FAAH2: variants seen among roughly 807,000 people sequenced by gnomAD.
FAAH2 encodes the protein fatty-acid amide hydrolase 2.
In FAAH2, 60 loss-of-function variants were observed where a neutral mutation model predicts 36.9. The ratio of observed to expected loss-of-function variants is 1.63; its 90% CI spans 1.32 to 2.02. FAAH2 has a LOEUF of 2.02. Among genes scored for constraint, FAAH2 ranks in the 30% most tolerant of loss-of-function variants. The pLI is 0.00. For missense variants in FAAH2, 689 were observed against 397.5 expected (o/e 1.73, Z -6.23); for synonymous variants, 214 against 143.8 (o/e 1.49, Z -3.49).
At chrX:57,370,176 C>A (rs540468357) in intron 5 of FAAH2, among the ~76,000 whole-genome samples, 3 of 111,446 alleles carry the variant, frequency 2.7e-5, no homozygotes, top group South Asian at 3.7e-4. Flanking sequence ...AAATATTTAA[C>A]AAAATGGCCG....
At chrX:57,449,648 GTCCTTCCT>G in intron 10 of FAAH2, among the ~76,000 whole-genome samples, 1 of 110,229 alleles carries the variant, frequency 9.1e-6, no homozygotes, top group East Asian at 2.9e-4. Context: ...CTTCCTTCCT[GTCCTTCCT>G]TCCTTCCTTC....
At chrX:57,273,099 C>T in the FAAH2 span, among the ~76,000 whole-genome samples, 1 of 111,703 alleles carries the variant, frequency 9.0e-6, no homozygotes, top group Non-Finnish European at 1.9e-5. Context: ...CAAAAAAGAA[C>T]GTGAGTTGCA....
chrX:57,213,492 C>CT, the FAAH2 span, among the ~76,000 whole-genome samples: 1 of 111,623 alleles, frequency 9.0e-6, no homozygotes, highest in African/African-American at 3.3e-5. Flanking sequence ...CTTCAGACTG[C>CT]TTTTTCTGTA....
At chrX:57,389,283 C>CAA (rs1483345681) in intron 7 of FAAH2, among the ~76,000 whole-genome samples, 4 of 21,983 alleles carry the variant, frequency 1.8e-4, no homozygotes, top group African/African-American at 3.3e-4. Context: ...CACACCTACA[C>CAA]ACACACACAC....
chrX:57,484,496 A>G (rs2057439162), intron 10 of FAAH2, among the ~76,000 whole-genome samples: 2 of 111,604 alleles, frequency 1.8e-5, no homozygotes, highest in Non-Finnish European at 3.8e-5. Flanking sequence ...CTCATCATGT[A>G]CACTTCAGAT....
the FAAH2 span, among the ~76,000 whole-genome samples, chrX:57,230,158 C>A: frequency 8.9e-6 from 1 of 112,256 alleles, no homozygotes; most frequent in Non-Finnish European, 1.9e-5. Context: ...AATCAGTCAA[C>A]CTTCTGGGTA....
In FAAH2 at chrX:57,416,982, CT is replaced by C. The variant is rs760053425; in HGVS notation, c.997-14934del. Among the ~76,000 whole-genome samples the C allele has an allele frequency of 9.0e-5, 10 of 111,133 alleles. No homozygotes were observed. The South Asian group carries it at 3.4e-3, about 38-fold the overall frequency. On this transcript the variant is annotated intron_variant, in intron 7 of 10. Transcript: ENST00000374900. ...TAACGCTTTATTTTATTAAGTTAAT[CT>C]TCAATCTCTGATGCCCTTTATCTGC...
the FAAH2 span, among the ~76,000 whole-genome samples, chrX:57,184,518 T>G: frequency 8.9e-6 from 1 of 112,162 alleles, no homozygotes; most frequent in Admixed American, 9.4e-5. Flanking sequence ...ATATTGGGGG[T>G]GGGTTCCCCC....
At chrX:57,410,929 A>G (rs2055683066) in intron 7 of FAAH2, among the ~76,000 whole-genome samples, 1 of 111,574 alleles carries the variant, frequency 9.0e-6, no homozygotes, top group South Asian at 3.7e-4. Flanking sequence ...TTGTAGTTCT[A>G]TATTTCTTTG....
At chrX:57,428,924 TATC>T (rs2056227029) in intron 7 of FAAH2, among the ~76,000 whole-genome samples, 2 of 111,589 alleles carry the variant, frequency 1.8e-5, no homozygotes, top group South Asian at 7.3e-4. Context: ...CAAAAGAAAT[TATC>T]AACAAAATAA....
At chrX:57,256,642 C>T in the FAAH2 span, among the ~76,000 whole-genome samples, 2 of 111,632 alleles carry the variant, frequency 1.8e-5, no homozygotes, top group South Asian at 3.7e-4. Context: ...TGGGAAAAGA[C>T]TTCATGTCTA....
chrX:57,331,036 C>T (rs1200030782), intron 3 of FAAH2, among the ~76,000 whole-genome samples: 2 of 110,760 alleles, frequency 1.8e-5, no homozygotes, highest in Non-Finnish European at 3.8e-5. Context: ...GCAAAACCAC[C>T]CTGCAGATTT....
chrX:57,185,260 G>T, the FAAH2 span, among the ~76,000 whole-genome samples: 2 of 110,389 alleles, frequency 1.8e-5, no homozygotes, highest in Non-Finnish European at 3.8e-5. Context: ...CCAGCCTCTG[G>T]TCTCTTTCTA....
chrX:57,474,212 A>T (rs930454803), intron 10 of FAAH2, among the ~76,000 whole-genome samples: 1 of 111,377 alleles, frequency 9.0e-6, no homozygotes, highest in African/African-American at 3.3e-5. Flanking sequence ...AAAATTTTAC[A>T]TTAACTTCTG....
At chrX:57,211,021 T>C in the FAAH2 span, among the ~76,000 whole-genome samples, 2 of 112,238 alleles carry the variant, frequency 1.8e-5, no homozygotes, top group African/African-American at 6.5e-5. Flanking sequence ...ATTAGATCAT[T>C]ATGTGTAAAT....
In FAAH2 at chrX:57,488,960, T is replaced by C. The variant is rs754064234; in HGVS notation, c.*28T>C. 8.5e-7 allele frequency: 1 copy of C among 1,171,126 alleles called. No individual in the cohort carries two copies. Among genetic ancestry groups the C allele is most frequent in the African/African-American group, 1.8e-5 (1 of 56,440 alleles). ...GGACCTTCTGCAAGGTTAATGTGTG[T>C]GTGTGTTTGTGTTCGTGTGGTGGTG... On this transcript the variant is annotated 3_prime_UTR_variant, in exon 11 of 11. Coordinates refer to ENST00000374900, the MANE Select transcript of FAAH2 (RefSeq NM_174912.4).
chrX:57,152,572 G>A, the FAAH2 span, among the ~76,000 whole-genome samples: 2 of 112,400 alleles, frequency 1.8e-5, no homozygotes, highest in Admixed American at 9.4e-5. Flanking sequence ...TCCAAGCCAG[G>A]TGCAGGATAT....
chrX:57,351,295 T>C (rs1313756741), intron 5 of FAAH2, among the ~76,000 whole-genome samples: 1 of 110,608 alleles, frequency 9.0e-6, no homozygotes, highest in East Asian at 2.8e-4. Flanking sequence ...GAAACAAAAA[T>C]GGAAATGCAA....
intron 6 of FAAH2, among the ~76,000 whole-genome samples, chrX:57,379,209 T>C (rs184053875): frequency 6.3e-4 from 70 of 111,307 alleles, no homozygotes; most frequent in African/African-American, 2.2e-3. Context: ...TCTGTAGCAG[T>C]CATTTCAAAT....
Sources: allele counts gnomAD v4.1 joint callset (sites outside exome capture counted in the v4.1 genomes callset), GRCh38; gene constraint gnomAD v4.1.1; transcripts MANE v1.5; gene names NCBI Gene and HGNC (gene_info 2026-07-23, HGNC 2026-07-21).